Variants in PDE4B observed in about 807,000 individuals in gnomAD.
The protein encoded by PDE4B is 3',5'-cyclic-AMP phosphodiesterase 4B.
Under a neutral mutation model 82.2 loss-of-function variants are expected in PDE4B, and 20 were observed. The observed-to-expected ratio is 0.24, with a 90% CI of 0.17 to 0.35. PDE4B has a LOEUF of 0.35. PDE4B is among the 10% of genes least tolerant of loss of function. The probability of loss-of-function intolerance (pLI) is 1.00; values close to 1 mark genes in which losing one functional copy is unlikely to be tolerated. For missense variants in PDE4B, 655 were observed against 907.2 expected (o/e 0.72, Z 3.57); for synonymous variants, 320 against 318.9 (o/e 1.00, Z -0.04).
At chr1:66,083,389 A>C (rs1656841868) in intron 3 of PDE4B, among the ~76,000 whole-genome samples, 1 of 152,068 alleles carries the variant, frequency 6.6e-6, no homozygotes, top group Non-Finnish European at 1.5e-5. Flanking sequence ...AGGGACACTC[A>C]ATCCTACCTC....
intron 3 of PDE4B, among the ~76,000 whole-genome samples, chr1:66,170,493 C>G (rs1266602057): frequency 6.6e-6 from 1 of 152,036 alleles, no homozygotes; most frequent in African/African-American, 2.4e-5. Context: ...TTATTTTTGT[C>G]TACTTGAAAT....
intron 3 of PDE4B, among the ~76,000 whole-genome samples, chr1:66,050,901 C>T (rs1490693974): frequency 6.6e-6 from 1 of 151,872 alleles, no homozygotes; most frequent in Non-Finnish European, 1.5e-5. Context: ...GGAAGAGGTG[C>T]CATGAAATGA....
At chr1:66,064,120 A>G (rs942399971) in intron 3 of PDE4B, among the ~76,000 whole-genome samples, 5 of 152,036 alleles carry the variant, frequency 3.3e-5, no homozygotes, top group Non-Finnish European at 7.4e-5. Flanking sequence ...ATACACCTCA[A>G]TATTACTTAT....
At chr1:66,012,637 C>T (rs1276285591) in intron 3 of PDE4B, among the ~76,000 whole-genome samples, 1 of 152,072 alleles carries the variant, frequency 6.6e-6, no homozygotes, top group Admixed American at 6.6e-5. Flanking sequence ...GTCTTACTTT[C>T]TCTTCATTAA....
rs531042199 is a variant in PDE4B at position 65,916,245 on chromosome 1, T to C, written c.43-2352T>C. Among the ~76,000 whole-genome samples, 13 of 152,302 alleles carry C rather than the reference T, an allele frequency of 8.5e-5. No individual in the cohort carries two copies. The South Asian group carries it at 2.5e-3, about 29-fold the overall frequency. On this transcript the variant is annotated intron_variant, in intron 2 of 16. Coordinates refer to ENST00000341517, the MANE Select transcript of PDE4B (RefSeq NM_002600.4). Reference sequence around the variant, plus strand: ...TGAGGTCTTCTGGAACAAATCTTTTTAACTTAAAGAATATTTCAAATTTGA... The same window carrying C: ...TGAGGTCTTCTGGAACAAATCTTTTCAACTTAAAGAATATTTCAAATTTGA...
intron 9 of PDE4B, among the ~76,000 whole-genome samples, chr1:66,356,214 G>A (rs371796611): frequency 7.9e-5 from 12 of 152,102 alleles, no homozygotes; most frequent in East Asian, 1.9e-4. Flanking sequence ...AAGCAGCCTC[G>A]TTCTCTTCCC....
At chr1:66,321,586 T>G (rs1570689126) in intron 7 of PDE4B, among the ~76,000 whole-genome samples, 1 of 152,132 alleles carries the variant, frequency 6.6e-6, no homozygotes, top group East Asian at 1.9e-4. Flanking sequence ...TGAGGAGAAC[T>G]GCACTCTCTG....
intron 1 of PDE4B, among the ~76,000 whole-genome samples, chr1:65,852,155 A>G (rs1168459755): frequency 6.6e-6 from 1 of 151,982 alleles, no homozygotes; most frequent in Non-Finnish European, 1.5e-5. Context: ...TTTTCATGAA[A>G]GACATGGATT....
chr1:66,167,721 A>G (rs1406654001), intron 3 of PDE4B, among the ~76,000 whole-genome samples: 1 of 152,232 alleles, frequency 6.6e-6, no homozygotes, highest in African/African-American at 2.4e-5. Flanking sequence ...TCCATTTTCA[A>G]GAGTACAAGC....
At chr1:65,943,307 T>C (rs1425794888) in intron 3 of PDE4B, among the ~76,000 whole-genome samples, 1 of 151,968 alleles carries the variant, frequency 6.6e-6, no homozygotes, top group East Asian at 1.9e-4. Flanking sequence ...CAAAAATCAA[T>C]TGACCATTAA....
chr1:65,889,487 G>T (rs375631467), intron 1 of PDE4B, among the ~76,000 whole-genome samples: 1 of 149,840 alleles, frequency 6.7e-6, no homozygotes, highest in Non-Finnish European at 1.5e-5. Context: ...TATTAATACT[G>T]TAGGTAACTC....
rs1042335156 is a variant in PDE4B at position 66,373,699 on chromosome 1, T to A, written c.*1021T>A. The A allele has an allele frequency of 6.6e-6, 1 of 152,500 alleles. No individual in the cohort carries two copies. The highest frequency in any genetic ancestry group is 1.9e-4 in the East Asian group (1 of 5,206). 9.4% of individuals were successfully genotyped at this position (152,500 alleles called of 1,614,324 possible). On this transcript the variant is annotated 3_prime_UTR_variant, in exon 17 of 17. Transcript: ENST00000341517. ...GTTTTGTAAGTTATTAATTTATATATCTAACATTGCCTGCCAATGGTGGTG... is the reference window on the plus strand; with the variant it reads ...GTTTTGTAAGTTATTAATTTATATAACTAACATTGCCTGCCAATGGTGGTG...
chr1:66,162,133 G>A (rs183030121), intron 3 of PDE4B, among the ~76,000 whole-genome samples: 17 of 151,746 alleles, frequency 1.1e-4, no homozygotes, highest in Admixed American at 2.0e-4. Context: ...GAGGATCTAC[G>A]GAAGCTCCAA....
chr1:65,907,555 T>C (rs907283307), intron 1 of PDE4B, among the ~76,000 whole-genome samples: 5 of 152,092 alleles, frequency 3.3e-5, no homozygotes, highest in African/African-American at 4.8e-5. Flanking sequence ...CTTCAGTTCA[T>C]AGTACAGTAC....
chr1:65,975,088 C>G (rs1426300280), intron 3 of PDE4B, among the ~76,000 whole-genome samples: 1 of 152,194 alleles, frequency 6.6e-6, no homozygotes, highest in Non-Finnish European at 1.5e-5. Context: ...TTCCTAGAGA[C>G]TTGTTGAATG....
At chr1:65,840,726 A>G (rs1646197619) in intron 1 of PDE4B, among the ~76,000 whole-genome samples, 1 of 152,140 alleles carries the variant, frequency 6.6e-6, no homozygotes, top group Non-Finnish European at 1.5e-5. Context: ...CCTCTGTCCA[A>G]GGTCAGATGA....
chr1:66,368,199 A>G (rs940736423), intron 15 of PDE4B, 134 bp downstream of exon 15: 4 of 789,204 alleles, frequency 5.1e-6, no homozygotes, highest in Admixed American at 6.1e-5. Flanking sequence ...GGCTTATTTT[A>G]AGAACAAGCT....
At chr1:65,901,622 C>A (rs1646972984) in intron 1 of PDE4B, among the ~76,000 whole-genome samples, 1 of 151,972 alleles carries the variant, frequency 6.6e-6, no homozygotes. Flanking sequence ...ATTTCTGATT[C>A]AATTTTGAAT....
intron 1 of PDE4B, among the ~76,000 whole-genome samples, chr1:65,873,003 A>T (rs1288542002): frequency 6.6e-6 from 1 of 152,168 alleles, no homozygotes; most frequent in African/African-American, 2.4e-5. Context: ...AAACATATTA[A>T]TCTAGGGACT....
Sources: gnomAD v4.1 joint callset for allele counts (sites outside exome capture counted in the v4.1 genomes callset) on GRCh38, gnomAD v4.1.1 for gene constraint, MANE v1.5 for transcripts, NCBI Gene and HGNC (gene_info 2026-07-23, HGNC 2026-07-21) for gene names.